The following NCKAP1 variants were observed in gnomAD, a reference collection of about 807,000 sequenced individuals.
NCKAP1 encodes the protein nck-associated protein 1.
NCKAP1 carries 21 observed loss-of-function variants against 151.2 expected under a neutral mutation model. That is an observed-to-expected ratio of 0.14 (90% CI 0.10 to 0.20). The LOEUF (loss-of-function observed/expected upper bound fraction) is 0.20. Ranked by LOEUF, NCKAP1 falls within the 10% of genes least tolerant of loss-of-function variation. NCKAP1 has a pLI of 1.00. For missense variants in NCKAP1, 933 were observed against 1,352.1 expected (o/e 0.69, Z 4.86); for synonymous variants, 484 against 451.8 (o/e 1.07, Z -0.90).
intron 1 of NCKAP1, among the ~76,000 whole-genome samples, chr2:183,024,811 A>T (rs909192798): frequency 3.9e-5 from 6 of 152,186 alleles, no homozygotes; most frequent in African/African-American, 1.4e-4. Flanking sequence ...TGTCCTTTGG[A>T]AAGTTACATC....
At position 182,924,724 on chromosome 2, in the gene NCKAP1, G is replaced by A. The variant is rs1366495222; in HGVS notation, c.*978C>T. ...ATTTTGGTATTTTTTTCAATAAAATGTTTTTTAAAACATTTAAACAAATCA... is the reference window on the plus strand; with the variant it reads ...ATTTTGGTATTTTTTTCAATAAAATATTTTTTAAAACATTTAAACAAATCA... On this transcript the variant is annotated 3_prime_UTR_variant, in exon 31 of 31. Transcript: ENST00000361354. The A allele has an allele frequency of 6.6e-6, 1 of 151,980 alleles. No homozygotes were observed. Among genetic ancestry groups the A allele is most frequent in the Admixed American group, 6.6e-5 (1 of 15,242 alleles). The allele number at this position is 151,980 out of a possible 1,614,324, so 9.4% of individuals were successfully genotyped here.
chr2:182,960,767 A>G (rs1417831149), intron 18 of NCKAP1, among the ~76,000 whole-genome samples: 3 of 152,224 alleles, frequency 2.0e-5, no homozygotes, highest in Non-Finnish European at 2.9e-5. Flanking sequence ...CTGCACAGCA[A>G]AAGAAACTAC....
At position 182,916,693 on chromosome 2, in the gene NCKAP1, C is replaced by CT. The variant is rs1210019922; in HGVS notation, c.*9008_*9009insA. The stretch of plus-strand genomic sequence containing the variant: ...GCATGTGGAAAAGCACAGAAGCTTC[C>CT]AAGAGCAATTGTCGCAATTGTTCTG... On this transcript the variant is annotated 3_prime_UTR_variant, in exon 31 of 31. Transcript: ENST00000361354. 1 of 152,098 alleles carries CT rather than the reference C, an allele frequency of 6.6e-6. No individual in the cohort carries two copies. The highest frequency in any genetic ancestry group is 1.5e-5 in the Non-Finnish European group (1 of 68,032). 9.4% of individuals were successfully genotyped at this position (152,098 alleles called of 1,614,324 possible).
intron 8 of NCKAP1, among the ~76,000 whole-genome samples, chr2:182,993,542 C>T (rs1223970616): frequency 1.3e-5 from 2 of 152,104 alleles, no homozygotes; most frequent in Non-Finnish European, 2.9e-5. Context: ...GAATAGTACA[C>T]AGCCATAATA....
At chr2:182,968,095 C>T (rs1005698121) in intron 15 of NCKAP1, among the ~76,000 whole-genome samples, 1 of 152,072 alleles carries the variant, frequency 6.6e-6, no homozygotes, top group Non-Finnish European at 1.5e-5. Context: ...TGAGATTCAA[C>T]CAGATGGTGA....
chr2:182,967,427 C>A (rs80019420), intron 15 of NCKAP1, 66 bp from the exon 16 acceptor site: 2 of 1,391,456 alleles, frequency 1.4e-6, no homozygotes, highest in Non-Finnish European at 2.0e-6. Flanking sequence ...TGTCATTTTA[C>A]AGGGGGAAAA....
chr2:183,018,998 G>A (rs1698746449), intron 2 of NCKAP1, among the ~76,000 whole-genome samples: 1 of 152,020 alleles, frequency 6.6e-6, no homozygotes, highest in Non-Finnish European at 1.5e-5. Context: ...ATGTTCCTTG[G>A]GAGAGGGGAT....
At position 182,910,115 on chromosome 2, in the gene NCKAP1, T is replaced by C. The variant is rs1696363711; in HGVS notation, c.*15587A>G. ...AAGCTGTGGTAGCTGGCTCTTTAACTGGTTCAGACTCTACTATCTTGGAGG... is the reference window on the plus strand; with the variant it reads ...AAGCTGTGGTAGCTGGCTCTTTAACCGGTTCAGACTCTACTATCTTGGAGG... On this transcript the variant is annotated 3_prime_UTR_variant, in exon 31 of 31. Coordinates refer to ENST00000361354, the MANE Select transcript of NCKAP1 (RefSeq NM_013436.5). 1 of 152,238 alleles carries C rather than the reference T, an allele frequency of 6.6e-6. No individual in the cohort carries two copies. The highest frequency in any genetic ancestry group is 1.5e-5 in the Non-Finnish European group (1 of 68,054). The allele number at this position is 152,238 out of a possible 1,614,324, so 9.4% of individuals were successfully genotyped here.
intron 12 of NCKAP1, among the ~76,000 whole-genome samples, chr2:182,982,484 T>C (rs1697960922): frequency 6.6e-6 from 1 of 152,212 alleles, no homozygotes; most frequent in Non-Finnish European, 1.5e-5. Context: ...CTTTGAATTT[T>C]GACTTTTTTT....
chr2:183,004,861 G>T (rs142342969), intron 2 of NCKAP1, among the ~76,000 whole-genome samples: 206 of 144,648 alleles, frequency 1.4e-3, no homozygotes, highest in African/African-American at 5.1e-3. Flanking sequence ...TCCAGCCTGG[G>T]TGACAGAGAT....
chr2:182,927,035 A>G lies in NCKAP1; in HGVS notation c.3181-130T>C, dbSNP rs1696662569. ...TAAATATAAAATAATGAGCAATTAA[A>G]TAAGATGAGCTTAGATAGCCTACAT... On this transcript the variant is annotated intron_variant, in intron 29 of 30. Transcript: ENST00000361354. 4.9e-6 allele frequency: 3 copies of G among 608,108 alleles called. No homozygotes were observed. In the South Asian group the frequency reaches 6.4e-5, roughly 13 times the overall value. The allele number at this position is 608,108 out of a possible 1,614,324, so 37.7% of individuals were successfully genotyped here. A position where few individuals can be genotyped will look rare whatever the true frequency, so the allele number is the denominator to read the frequency against.
intron 18 of NCKAP1, among the ~76,000 whole-genome samples, chr2:182,961,703 C>G (rs907269949): frequency 2.0e-5 from 3 of 151,530 alleles, no homozygotes; most frequent in African/African-American, 7.3e-5. Flanking sequence ...ACGTTGTGCA[C>G]ATGTACCCTA....
intron 18 of NCKAP1, 151 bp downstream of exon 18, chr2:182,962,008 A>G (rs1481415376): frequency 1.4e-6 from 1 of 709,976 alleles, no homozygotes; most frequent in Non-Finnish European, 2.2e-6. Flanking sequence ...CTAAGAAATT[A>G]TACCTGTTAA....
At chr2:183,036,108 G>C (rs1233412214) in intron 1 of NCKAP1, among the ~76,000 whole-genome samples, 1 of 152,040 alleles carries the variant, frequency 6.6e-6, no homozygotes, top group Non-Finnish European at 1.5e-5. Flanking sequence ...AGAGGCTGAA[G>C]CTTCCCAAAA....
In NCKAP1 at chr2:182,928,766, T is replaced by C. The variant is rs1399886770; in HGVS notation, c.3070+17A>G. ...CATGATTTATTCATCGCCAAAACAA[T>C]TTTAAACCACTATTACCTTCTATAG... is the stretch of plus-strand genomic sequence containing the variant. On this transcript the variant is annotated intron_variant, in intron 28 of 30. Transcript: ENST00000361354. The C allele has an allele frequency of 6.6e-7, 1 of 1,511,098 alleles. No individual in the cohort carries two copies. Among genetic ancestry groups the C allele is most frequent in the Non-Finnish European group, 9.0e-7 (1 of 1,109,902 alleles). The allele number at this position is 1,511,098 out of a possible 1,614,324, so 93.6% of individuals were successfully genotyped here. A position where few individuals can be genotyped will look rare whatever the true frequency, so the allele number is the denominator to read the frequency against.
intron 24 of NCKAP1, among the ~76,000 whole-genome samples, chr2:182,941,804 T>C (rs1265013955): frequency 6.6e-6 from 1 of 152,154 alleles, no homozygotes; most frequent in Non-Finnish European, 1.5e-5. Flanking sequence ...ATTTAATGGG[T>C]TCAAAACCAA....
intron 16 of NCKAP1, among the ~76,000 whole-genome samples, chr2:182,965,211 T>C (rs543112550): frequency 5.3e-5 from 8 of 151,500 alleles, no homozygotes; most frequent in African/African-American, 1.5e-4. Flanking sequence ...GGCAATGTGG[T>C]GAAACCCTGT....
Position 182,983,371 on chromosome 2 carries a change from T to G in NCKAP1, c.1016A>C (p.His339Pro). The G allele has an allele frequency of 6.2e-7, 1 of 1,610,688 alleles. No individual in the cohort carries two copies. Among genetic ancestry groups the G allele is most frequent in the Non-Finnish European group, 8.5e-7 (1 of 1,177,090 alleles). ...EAAVSHAGSMHRERRKFLRSA... is the reference protein window; with the variant it reads ...EAAVSHAGSMPRERRKFLRSA... ...TCTTAAAAACTTGCGTCTTTCTCTG[T>G]GCATTGAACCACTATGGGGAAAGAC... Residue 339 changes from histidine to proline, a missense_variant, in exon 11 of 31, where the codon CAC becomes CCC. Around this residue, in one of 2 missense-constraint regions of NCKAP1, gnomAD observed 607 missense variants for 795.0 expected, o/e 0.76. Transcript: ENST00000361354.
intron 6 of NCKAP1, 91 bp downstream of exon 6, chr2:183,001,862 T>G: frequency 9.0e-7 from 1 of 1,110,702 alleles, no homozygotes; most frequent in Non-Finnish European, 1.3e-6. Context: ...TATAGTATTT[T>G]TCAAAAACAA....
Sources: allele counts gnomAD v4.1 joint callset (sites outside exome capture counted in the v4.1 genomes callset), GRCh38; gene constraint gnomAD v4.1.1; regional missense constraint gnomAD v4.1.1; transcripts MANE v1.5; gene names NCBI Gene and HGNC (gene_info 2026-07-23, HGNC 2026-07-21).